TTLL3: variants seen among roughly 807,000 people sequenced by gnomAD.
The protein encoded by TTLL3 is tubulin tyrosine ligase like 3.
A neutral mutation model predicts 75.2 loss-of-function variants in TTLL3; 63 were observed. The observed-to-expected ratio is 0.84, with a 90% CI of 0.68 to 1.03. The LOEUF (loss-of-function observed/expected upper bound fraction) is 1.03. Ranked by LOEUF, TTLL3 falls within the 50% of genes least tolerant of loss-of-function variation. The probability of loss-of-function intolerance (pLI) is 0.00; values close to 1 mark genes in which losing one functional copy is unlikely to be tolerated. For missense variants in TTLL3, 997 were observed against 1,069.9 expected (o/e 0.93, Z 0.95); for synonymous variants, 393 against 418.5 (o/e 0.94, Z 0.74).
At chr3:9,825,737 C>A in intron 8 of TTLL3, 63 bp from the exon 9 acceptor site, 1 of 1,613,574 alleles carries the variant, frequency 6.2e-7, no homozygotes, top group Non-Finnish European at 8.5e-7. Flanking sequence ...TATATCTCCC[C>A]CTGCCCTCTC....
chr3:9,830,598 G>A (rs1326041719), intron 11 of TTLL3, among the ~76,000 whole-genome samples: 2 of 152,096 alleles, frequency 1.3e-5, no homozygotes, highest in Non-Finnish European at 2.9e-5. Flanking sequence ...AAATGTAAAC[G>A]GGGAAATACA....
At chr3:9,816,223 G>A in intron 5 of TTLL3, 21 bp downstream of exon 5, 1 of 1,340,816 alleles carries the variant, frequency 7.5e-7, no homozygotes, top group Non-Finnish European at 9.9e-7. Context: ...TAGAGGAGCA[G>A]GCAGGGCAGC....
chr3:9,829,329 C>A lies in TTLL3; in HGVS notation c.1617C>A (p.Arg539=). 1.9e-6 allele frequency: 3 copies of A among 1,613,018 alleles called. No homozygotes were observed. Among genetic ancestry groups the A allele is most frequent in the Non-Finnish European group, 2.5e-6 (3 of 1,179,366 alleles). Reference sequence around the variant, plus strand: ...CTGGCGTGCAAGCTGACACCCTGCGCGTGGTCATTGACCGGATGCTGGACC... The same window carrying A: ...CTGGCGTGCAAGCTGACACCCTGCGAGTGGTCATTGACCGGATGCTGGACC... ...LCAGVQADTL[R]VVIDRMLDRN... The change falls in exon 11 of 14, where the codon CGC becomes CGA. Residue 539 remains arginine, a synonymous_variant. Transcript: ENST00000685419.
At chr3:9,818,706 A>G in intron 6 of TTLL3, 116 bp from the exon 7 acceptor site, 1 of 1,570,526 alleles carries the variant, frequency 6.4e-7, no homozygotes, top group Non-Finnish European at 8.6e-7. Context: ...CTCTAGAGTC[A>G]GAAAAGGTAG....
chr3:9,827,056 G>C lies in TTLL3; in HGVS notation c.1063G>C (p.Val355Leu). Residue 355 changes from valine to leucine, a missense_variant, in exon 10 of 14, where the codon GTG becomes CTG. Physicochemically the swap from Val to Leu is conservative, Grantham distance 32. Coordinates refer to ENST00000685419, the MANE Select transcript of TTLL3 (RefSeq NM_001387446.1). Reference sequence around the variant, plus strand: ...GAAGCTGGTGAACGGCAACCCCGTGGTGATGAAGGACGGCAAGTGGGTGGT... The same window carrying C: ...GAAGCTGGTGAACGGCAACCCCGTGCTGATGAAGGACGGCAAGTGGGTGGT... Reference protein sequence around the residue: ...MLKLVNGNPVVMKDGKWVVQK... With the variant: ...MLKLVNGNPVLMKDGKWVVQK... The C allele has an allele frequency of 1.2e-6, 2 of 1,614,240 alleles. No individual in the cohort carries two copies. Among genetic ancestry groups the C allele is most frequent in the Non-Finnish European group, 1.7e-6 (2 of 1,180,046 alleles).
chr3:9,810,130 C>T, upstream of TTLL3: 1 of 1,471,106 alleles, frequency 6.8e-7, no homozygotes, highest in Non-Finnish European at 8.9e-7. The surrounding 1 kb of genome is among the most constrained non-coding windows in gnomAD (Gnocchi z 4.4). Context: ...GAAGCCGCAG[C>T]CGCTCGAGCC....
chr3:9,819,120 CTCTGA>C, intron 7 of TTLL3, 200 bp downstream of exon 7: 2 of 664,390 alleles, frequency 3.0e-6, no homozygotes, highest in Non-Finnish European at 5.0e-6. Flanking sequence ...TTCACCCACT[CTCTGA>C]TCTACCGATT....
At chr3:9,835,005 AC>A in intron 13 of TTLL3, 88 bp from the exon 14 acceptor site, 3 of 1,599,862 alleles carry the variant, frequency 1.9e-6, no homozygotes, top group Non-Finnish European at 2.6e-6. Context: ...GCTGGCTGGC[AC>A]CCCAAGGGAA....
intron 2 of TTLL3, 187 bp from the exon 3 acceptor site, chr3:9,812,756 C>T: frequency 1.7e-6 from 1 of 593,368 alleles, no homozygotes; most frequent in East Asian, 3.3e-5. Flanking sequence ...AAATATTAGC[C>T]ATTGCTATTA....
Position 9,829,398 on chromosome 3 carries a change from G to A in TTLL3, c.1683+3G>A. The A allele has an allele frequency of 6.3e-7, 1 of 1,580,742 alleles. No homozygotes were observed. Reference sequence around the variant, plus strand: ...CCTTTGAGCTCATCTATAAGCAGGTGAGGAGGTTGGGCCCAGGCAGGACCC... The same window carrying A: ...CCTTTGAGCTCATCTATAAGCAGGTAAGGAGGTTGGGCCCAGGCAGGACCC... On this transcript the variant is annotated splice_donor_region_variant and intron_variant, in intron 11 of 13. Coordinates refer to ENST00000685419, the MANE Select transcript of TTLL3 (RefSeq NM_001387446.1).
chr3:9,819,346 A>G (rs1303760580), intron 7 of TTLL3: 2 of 239,986 alleles, frequency 8.3e-6, no homozygotes, highest in Non-Finnish European at 7.2e-6. Flanking sequence ...CCATCCACTC[A>G]TCCATTCTTC....
intron 6 of TTLL3, 65 bp from the exon 7 acceptor site, chr3:9,818,757 G>T (rs1167195539): frequency 5.0e-6 from 8 of 1,611,668 alleles, no homozygotes; most frequent in African/African-American, 1.3e-5. Flanking sequence ...TCATGATCAG[G>T]TTCTGGAACC....
rs766651406 is a variant in TTLL3 at position 9,813,304 on chromosome 3, T to C, written c.274T>C (p.Leu92=). 6.2e-7 allele frequency: 1 copy of C among 1,614,194 alleles called. No individual in the cohort carries two copies. Among genetic ancestry groups the C allele is most frequent in the South Asian group, 1.1e-5 (1 of 91,084 alleles). The change falls in exon 4 of 14, where the codon TTA becomes CTA. Residue 92 remains leucine, a synonymous_variant. Coordinates refer to ENST00000685419, the MANE Select transcript of TTLL3 (RefSeq NM_001387446.1). The part of the protein sequence containing the change: ...QPSQLFDFDD[L]LKFDDLDGTH... ...ATCACAGCTGTTCGACTTCGATGAT[T>C]TACTGAAATTTGATGACCTAGATGG...
In TTLL3 at chr3:9,835,459, G is replaced by A. The variant is rs926498585; in HGVS notation, c.2418G>A (p.Pro806=). ...GGTCAAGAGTGGATGGGGCGAGGCC[G>A]TGTACCCCAGGGTCCACAGCAAGAG... ...VGGSRVDGAR[P]CTPGSTARA The change falls in exon 14 of 14, where the codon CCG becomes CCA. Residue 806 remains proline (P), a synonymous_variant. Transcript: ENST00000685419. The A allele has an allele frequency of 1.0e-5, 16 of 1,606,636 alleles. No homozygotes were observed. Among genetic ancestry groups the A allele is most frequent in the South Asian group, 2.2e-5 (2 of 90,160 alleles).
Position 9,817,695 on chromosome 3 carries a change from T to C in TTLL3, c.495T>C (p.Asp165=). Residue 165 remains aspartate (D), a synonymous_variant, in exon 6 of 14, where the codon GAT becomes GAC. Coordinates refer to ENST00000685419, the MANE Select transcript of TTLL3 (RefSeq NM_001387446.1). ...LRNLPWFDEV[D]ANSFFPRCYC... is the part of the protein sequence containing the mutation. The stretch of plus-strand genomic sequence containing the variant: ...ATTTGCCGTGGTTTGATGAGGTTGA[T>C]GCCAACTCCTTCTTCCCACGCTGCT... The C allele has an allele frequency of 2.5e-6, 4 of 1,614,156 alleles. No homozygotes were observed. The highest frequency in any genetic ancestry group is 3.4e-6 in the Non-Finnish European group (4 of 1,180,040).
chr3:9,811,552 T>C (rs1307362527), intron 2 of TTLL3, among the ~76,000 whole-genome samples: 1 of 152,246 alleles, frequency 6.6e-6, no homozygotes, highest in South Asian at 2.1e-4. Context: ...CTAGGCAAAC[T>C]ATGACAGCCT....
At chr3:9,828,765 T>C in intron 10 of TTLL3, 195 bp from the exon 11 acceptor site, 2 of 689,866 alleles carry the variant, frequency 2.9e-6, no homozygotes, top group Non-Finnish European at 4.8e-6. Context: ...CCCTGAGAGA[T>C]AAGAGTGGTT....
At position 9,818,492 on chromosome 3, in the gene TTLL3, C is replaced by A. The variant is rs143624141; in HGVS notation, c.560-330C>A. On this transcript the variant is annotated intron_variant, in intron 6 of 13. Transcript: ENST00000685419. ...CCCGCCATTCTCCTGCCTCAGCCTC[C>A]CGAGTAGCTGGGACTACAGGCGCCC... is the stretch of plus-strand genomic sequence containing the variant. 1,676 of 262,882 alleles carry A rather than the reference C, an allele frequency of 6.4e-3. 18 individuals are homozygous for A. Among genetic ancestry groups the A allele is most frequent in the African/African-American group, 0.019 (837 of 44,038 alleles). 16.3% of individuals were successfully genotyped at this position (262,882 alleles called of 1,614,324 possible). A position where few individuals can be genotyped will look rare whatever the true frequency, so the allele number is the denominator to read the frequency against.
Position 9,810,821 on chromosome 3 carries a change from C to A in TTLL3, c.48+112C>A. 9.7e-7 allele frequency: 1 copy of A among 1,030,160 alleles called. No individual in the cohort carries two copies. The highest frequency in any genetic ancestry group is 1.4e-6 in the Non-Finnish European group (1 of 721,600). The allele number at this position is 1,030,160 out of a possible 1,614,324, so 63.8% of individuals were successfully genotyped here. A position where few individuals can be genotyped will look rare whatever the true frequency, so the allele number is the denominator to read the frequency against. On this transcript the variant is annotated intron_variant, in intron 2 of 13. Coordinates refer to ENST00000685419, the MANE Select transcript of TTLL3 (RefSeq NM_001387446.1). This position sits in a 1 kb window ranked among gnomAD's most constrained non-coding sequence, Gnocchi z 4.4. ...ACAAAAGCAAAAGAAAAAACAATAGCAAAAATCCTCAACCACCACACCCAT... is the reference window on the plus strand; with the variant it reads ...ACAAAAGCAAAAGAAAAAACAATAGAAAAAATCCTCAACCACCACACCCAT...
Sources: allele counts gnomAD v4.1 joint callset (sites outside exome capture counted in the v4.1 genomes callset), GRCh38; gene constraint gnomAD v4.1.1; non-coding constraint Gnocchi (gnomAD v3.1); transcripts MANE v1.5; gene names NCBI Gene and HGNC (gene_info 2026-07-23, HGNC 2026-07-21).